The following PRUNE2 variants were observed in gnomAD, a reference collection of about 807,000 sequenced individuals.
PRUNE2 encodes prune homolog 2 with BCH domain.
A neutral mutation model predicts 252.0 loss-of-function variants in PRUNE2; 164 were observed. That is an observed-to-expected ratio of 0.65 (90% CI 0.57 to 0.74). The LOEUF (loss-of-function observed/expected upper bound fraction) is 0.74. Among genes scored for constraint, PRUNE2 ranks in the 30% least tolerant of loss-of-function variants. The pLI is 0.00. For synonymous variants in PRUNE2, 1,292 were observed against 1,350.2 expected (o/e 0.96, Z 0.94); for missense variants, 3,495 against 3,711.0 (o/e 0.94, Z 1.51).
intron 1 of PRUNE2, among the ~76,000 whole-genome samples, chr9:76,898,452 T>C (rs1297787319): frequency 6.6e-6 from 1 of 152,116 alleles, no homozygotes; most frequent in Non-Finnish European, 1.5e-5. Flanking sequence ...CACTATATTC[T>C]CCATTACTAC....
intron 9 of PRUNE2, among the ~76,000 whole-genome samples, chr9:76,690,016 T>C (rs140066640): frequency 1.2e-3 from 177 of 152,244 alleles, no homozygotes; most frequent in African/African-American, 4.1e-3. Flanking sequence ...CAGCTTCTTC[T>C]CCAATGCCCC....
intron 1 of PRUNE2, among the ~76,000 whole-genome samples, chr9:76,901,048 A>T (rs1222925148): frequency 6.6e-6 from 1 of 152,048 alleles, no homozygotes; most frequent in African/African-American, 2.4e-5. Context: ...GTCCTCCAAG[A>T]CCCAAGGTGC....
intron 6 of PRUNE2, chr9:76,739,901 T>C (rs999303190): frequency 2.0e-5 from 3 of 150,826 alleles, no homozygotes; most frequent in African/African-American, 4.9e-5. Context: ...CTGGCCAACA[T>C]AGTGAAACCC....
chr9:76,626,656 T>TA (rs1834908367), intron 16 of PRUNE2, among the ~76,000 whole-genome samples: 1 of 152,216 alleles, frequency 6.6e-6, no homozygotes, highest in Admixed American at 6.5e-5. Context: ...TAGGTATACT[T>TA]AACTTCTCAT....
chr9:76,849,299 CA>C (rs1207515246), intron 3 of PRUNE2, among the ~76,000 whole-genome samples: 1 of 151,644 alleles, frequency 6.6e-6, no homozygotes, highest in Admixed American at 6.6e-5. Context: ...CATGAATATT[CA>C]AAAAAAATCA....
intron 6 of PRUNE2, among the ~76,000 whole-genome samples, chr9:76,766,212 T>C (rs1589100449): frequency 6.7e-6 from 1 of 150,118 alleles, no homozygotes; most frequent in Admixed American, 6.7e-5. Flanking sequence ...TTTAGAAATA[T>C]ACCAAAGTAA....
chr9:76,813,609 A>G (rs2057498674), intron 6 of PRUNE2, among the ~76,000 whole-genome samples: 1 of 152,184 alleles, frequency 6.6e-6, no homozygotes, highest in Non-Finnish European at 1.5e-5. Context: ...ATATTTCTTC[A>G]TTGTTTCAGT....
intron 6 of PRUNE2, among the ~76,000 whole-genome samples, chr9:76,816,492 G>T (rs965194345): frequency 6.6e-6 from 1 of 152,070 alleles, no homozygotes; most frequent in Non-Finnish European, 1.5e-5. Flanking sequence ...CAAGAAGCTA[G>T]GAATTATCCG....
intron 9 of PRUNE2, among the ~76,000 whole-genome samples, chr9:76,662,689 A>G (rs139179015): frequency 1.6e-4 from 24 of 152,326 alleles, no homozygotes; most frequent in Non-Finnish European, 2.9e-4. Flanking sequence ...AGGAATAACC[A>G]CTTTTACAAG....
chr9:76,837,902 G>C (rs985714526), intron 4 of PRUNE2, among the ~76,000 whole-genome samples: 1 of 151,354 alleles, frequency 6.6e-6, no homozygotes, highest in Non-Finnish European at 1.5e-5. Flanking sequence ...CTCCTGAGTA[G>C]CTGGGACTAC....
At chr9:76,881,606 T>C (rs1231001250) in intron 1 of PRUNE2, among the ~76,000 whole-genome samples, 6 of 151,576 alleles carry the variant, frequency 4.0e-5, no homozygotes, top group Admixed American at 6.6e-5. Context: ...TAGATTTGCC[T>C]TTTCTGGACA....
chr9:76,829,036 ATTC>A (rs2058515038), intron 4 of PRUNE2, among the ~76,000 whole-genome samples: 1 of 133,972 alleles, frequency 7.5e-6, no homozygotes, highest in Non-Finnish European at 1.6e-5. Flanking sequence ...AAAAAAAAAA[ATTC>A]CCCTCTTTAT....
chr9:76,710,255 G>C lies in PRUNE2; in HGVS notation c.2019C>G (p.Ser673=). The change falls in exon 8 of 19, where the codon TCC becomes TCG. Residue 673 remains serine, a synonymous_variant. Coordinates refer to ENST00000376718, the MANE Select transcript of PRUNE2 (RefSeq NM_015225.3). ...DSKNIADAWS[S]SEQESVFQSP... is the part of the protein sequence containing the mutation. ...TCTGGAAAACAGATTCCTGTTCACT[G>C]GAACTCCACGCATCTGCAATATTTT... The C allele has an allele frequency of 6.2e-7, 1 of 1,613,882 alleles. No homozygotes were observed. Among genetic ancestry groups the C allele is most frequent in the South Asian group, 1.1e-5 (1 of 91,068 alleles).
intron 12 of PRUNE2, among the ~76,000 whole-genome samples, chr9:76,642,819 A>G (rs926300090): frequency 3.9e-5 from 6 of 152,068 alleles, no homozygotes; most frequent in African/African-American, 1.2e-4. Context: ...AGGGTGTAGG[A>G]AAAGGTGGCA....
At chr9:76,702,212 C>T (rs2045940841) in intron 9 of PRUNE2, among the ~76,000 whole-genome samples, 1 of 151,908 alleles carries the variant, frequency 6.6e-6, no homozygotes, top group African/African-American at 2.4e-5. Flanking sequence ...GGTGCTGCCA[C>T]CACCCCAGCT....
At chr9:76,619,256 C>T in intron 18 of PRUNE2, 84 bp downstream of exon 18, 2 of 883,238 alleles carry the variant, frequency 2.3e-6, no homozygotes, top group East Asian at 5.2e-5. Flanking sequence ...AGGGTTTACC[C>T]AGTCCTCAGT....
In PRUNE2 at chr9:76,710,490, G is replaced by A; in HGVS notation, c.1784C>T (p.Ser595Phe). 2 of 1,613,930 alleles carry A rather than the reference G, an allele frequency of 1.2e-6. No individual in the cohort carries two copies. The highest frequency in any genetic ancestry group is 1.7e-6 in the Non-Finnish European group (2 of 1,179,872). The change falls in exon 8 of 19, where the codon TCC (serine) becomes TTC (phenylalanine). Residue 595 changes from serine (S) to phenylalanine (F), a missense_variant. Physicochemically the swap from Ser to Phe is radical, Grantham distance 155. Coordinates refer to ENST00000376718, the MANE Select transcript of PRUNE2 (RefSeq NM_015225.3). ...ATTTTTTAGCCTTTCTGGGGAAGGG[G>A]ATTCATCTCCCACAAAATCTGTCAG... ...LSLTDFVGDESPSPERLKNTG... is the reference protein window; with the variant it reads ...LSLTDFVGDEFPSPERLKNTG...
intron 12 of PRUNE2, chr9:76,641,838 C>T: frequency 9.0e-7 from 1 of 1,107,148 alleles, no homozygotes; most frequent in Non-Finnish European, 1.3e-6. Flanking sequence ...AGTTTGCTGG[C>T]CAGCAATGGA....
At chr9:76,773,663 C>T (rs746625899) in intron 6 of PRUNE2, among the ~76,000 whole-genome samples, 6 of 152,016 alleles carry the variant, frequency 3.9e-5, no homozygotes, top group East Asian at 1.9e-4. Context: ...AGGCTGGTCT[C>T]GAACTCCTGA....
Sources: gnomAD v4.1 joint callset for allele counts (sites outside exome capture counted in the v4.1 genomes callset) on GRCh38, gnomAD v4.1.1 for gene constraint, MANE v1.5 for transcripts, NCBI Gene and HGNC (gene_info 2026-07-23, HGNC 2026-07-21) for gene names.